The following BEND5 variants were observed in gnomAD, a reference collection of about 807,000 sequenced individuals.
BEND5 encodes BEN domain containing 5.
BEND5 carries 22 observed loss-of-function variants against 43.9 expected under a neutral mutation model. The observed-to-expected ratio is 0.50, with a 90% CI of 0.36 to 0.72. The LOEUF is 0.72. Among genes scored for constraint, BEND5 ranks in the 30% least tolerant of loss-of-function variants. The probability of loss-of-function intolerance (pLI) is 0.00; values close to 1 mark genes in which losing one functional copy is unlikely to be tolerated. For synonymous variants in BEND5, 228 were observed against 225.9 expected (o/e 1.01, Z -0.08); for missense variants, 428 against 550.6 (o/e 0.78, Z 2.23).
In BEND5 at chr1:48,736,505, G is replaced by A; in HGVS notation, c.895-53C>T. On this transcript the variant is annotated intron_variant, in intron 4 of 5. Transcript: ENST00000371833. This position sits in a 1 kb window ranked among gnomAD's most constrained non-coding sequence, Gnocchi z 4.0. ...GTTTAGTCCGACAGGAGGGCAGTGG[G>A]AGGCTTCTCTTGTCCTTTAAAAAGC... The A allele has an allele frequency of 6.7e-7, 1 of 1,497,558 alleles. No individual in the cohort carries two copies. The highest frequency in any genetic ancestry group is 9.3e-7 in the Non-Finnish European group (1 of 1,078,692). 92.8% of individuals were successfully genotyped at this position (1,497,558 alleles called of 1,614,324 possible). A position where few individuals can be genotyped will look rare whatever the true frequency, so the allele number is the denominator to read the frequency against.
At chr1:48,743,484 A>G (rs542702880) in intron 3 of BEND5, among the ~76,000 whole-genome samples, 2 of 152,370 alleles carry the variant, frequency 1.3e-5, no homozygotes, top group African/African-American at 4.8e-5. Context: ...TGTGTTGATT[A>G]CTTAAGGGCA....
intron 3 of BEND5, among the ~76,000 whole-genome samples, chr1:48,753,313 G>C (rs1652051193): frequency 6.6e-6 from 1 of 152,202 alleles, no homozygotes; most frequent in Non-Finnish European, 1.5e-5. Context: ...AAACAAATGT[G>C]TATGAAGTTA....
rs144263587 is a variant in BEND5 at position 48,742,561 on chromosome 1, C to T, written c.894+62G>A. 817 of 1,388,902 alleles carry T rather than the reference C, an allele frequency of 5.9e-4. 1 individual carries two copies. The African/African-American group carries it at 0.011, about 18-fold the overall frequency. 86.0% of individuals were successfully genotyped at this position (1,388,902 alleles called of 1,614,324 possible). ...CGATTTGGAAAGCTCCCACCATACT[C>T]TCCACCTTTACTCTGACTAACAAAC... On this transcript the variant is annotated intron_variant, in intron 4 of 5. Transcript: ENST00000371833.
chr1:48,727,861 G>T lies in BEND5; in HGVS notation c.*25C>A. 1 of 1,590,150 alleles carries T rather than the reference G, an allele frequency of 6.3e-7. No homozygotes were observed. The highest frequency in any genetic ancestry group is 8.6e-7 in the Non-Finnish European group (1 of 1,161,948). On this transcript the variant is annotated 3_prime_UTR_variant, in exon 6 of 6. Transcript: ENST00000371833. ...ATCACATGCCACACAAGGAAAACAC[G>T]AAAGCTTTATGAAAAATCCAAAGTT... is the stretch of plus-strand genomic sequence containing the variant.
intron 1 of BEND5, among the ~76,000 whole-genome samples, chr1:48,764,134 G>A (rs747117607): frequency 1.3e-5 from 2 of 152,208 alleles, no homozygotes; most frequent in Admixed American, 6.5e-5. Flanking sequence ...TGCTGAATTT[G>A]AATAAGGGAG....
At chr1:48,748,390 G>A (rs527814271) in intron 3 of BEND5, among the ~76,000 whole-genome samples, 8 of 152,328 alleles carry the variant, frequency 5.3e-5, no homozygotes, top group Admixed American at 3.3e-4. Context: ...CTGAGTGCCA[G>A]CCCTGTGCTA....
intron 1 of BEND5, among the ~76,000 whole-genome samples, chr1:48,769,957 G>T (rs570180442): frequency 1.3e-5 from 2 of 152,174 alleles, no homozygotes; most frequent in Non-Finnish European, 2.9e-5. Flanking sequence ...TTAAGGAAAT[G>T]ATCTAGAAGT....
chr1:48,758,593 C>T (rs916300274), intron 3 of BEND5, among the ~76,000 whole-genome samples: 16 of 152,340 alleles, frequency 1.1e-4, no homozygotes, highest in Admixed American at 6.5e-4. Flanking sequence ...TCCCTACGAT[C>T]CCTGTTACTG....
intron 5 of BEND5, among the ~76,000 whole-genome samples, chr1:48,731,153 C>A (rs2148556319): frequency 6.6e-6 from 1 of 152,250 alleles, no homozygotes; most frequent in Non-Finnish European, 1.5e-5. Flanking sequence ...CTCAATCCAG[C>A]AGACAGCTTG....
rs567287360 is a variant in BEND5, at chr1:48,752,541, T to C, written c.745+6359A>G. 9.2e-5 allele frequency among the ~76,000 whole-genome samples: 14 copies of C among 152,322 alleles called. No homozygotes were observed. In the South Asian group the frequency reaches 2.5e-3, roughly 27 times the overall value. On this transcript the variant is annotated intron_variant, in intron 3 of 5. Coordinates refer to ENST00000371833, the MANE Select transcript of BEND5 (RefSeq NM_024603.4). ...CTTACAAGGGGAAACAGGAAATCTC[T>C]AGGTGTCATCCAGGGTTGACCAAAG...
chr1:48,761,394 T>C lies in BEND5; in HGVS notation c.303A>G (p.Glu101=). 1 of 1,551,804 alleles carries C rather than the reference T, an allele frequency of 6.4e-7. No individual in the cohort carries two copies. Residue 101 remains glutamate (E), a synonymous_variant, in exon 2 of 6, where the codon GAA becomes GAG. Coordinates refer to ENST00000371833, the MANE Select transcript of BEND5 (RefSeq NM_024603.4). ...KIPKLSLNHV[E]EDGEVKDYGE... is the part of the protein sequence containing the mutation. Reference sequence around the variant, plus strand: ...CATAATCTTTAACCTCTCCATCTTCTTCTACATGATTAAGAGAAAGCTTGG... The same window carrying C: ...CATAATCTTTAACCTCTCCATCTTCCTCTACATGATTAAGAGAAAGCTTGG...
intron 3 of BEND5, among the ~76,000 whole-genome samples, chr1:48,745,013 T>G (rs1270480422): frequency 6.6e-6 from 1 of 152,200 alleles, no homozygotes; most frequent in Non-Finnish European, 1.5e-5. Context: ...GTCTCTACAT[T>G]GTGACTACTT....
intron 1 of BEND5, among the ~76,000 whole-genome samples, chr1:48,768,948 C>T (rs777675150): frequency 6.6e-6 from 1 of 152,052 alleles, no homozygotes; most frequent in Non-Finnish European, 1.5e-5. Flanking sequence ...AGGATTGTAC[C>T]CAGCCAAGAC....
chr1:48,761,949 GA>G (rs1241121436), intron 1 of BEND5, among the ~76,000 whole-genome samples: 2 of 152,178 alleles, frequency 1.3e-5, no homozygotes, highest in Non-Finnish European at 2.9e-5. Context: ...GGGATGTAAG[GA>G]AGGGCAGGGG....
chr1:48,733,019 A>G (rs540000588), intron 5 of BEND5, among the ~76,000 whole-genome samples: 43 of 152,238 alleles, frequency 2.8e-4, no homozygotes, highest in African/African-American at 8.4e-4. Context: ...GTCACTGGGG[A>G]CCTTGGTGAA....
At position 48,758,800 on chromosome 1, in the gene BEND5, A is replaced by G. The variant is rs1395667390; in HGVS notation, c.745+100T>C. On this transcript the variant is annotated intron_variant, in intron 3 of 5. Transcript: ENST00000371833. Reference sequence around the variant, plus strand: ...CAAGAGTCTGTCCTTCCCTAGCCTCAGGGCACTTGGTCTCCCTCTCCCCTT... The same window carrying G: ...CAAGAGTCTGTCCTTCCCTAGCCTCGGGGCACTTGGTCTCCCTCTCCCCTT... 3.6e-5 allele frequency: 39 copies of G among 1,092,130 alleles called. No homozygotes were observed. In the East Asian group the frequency reaches 9.7e-4, roughly 27 times the overall value. The allele number at this position is 1,092,130 out of a possible 1,614,324, so 67.7% of individuals were successfully genotyped here.
At chr1:48,742,891 A>C (rs980639740) in intron 3 of BEND5, 120 bp from the exon 4 acceptor site, 1 of 969,048 alleles carries the variant, frequency 1.0e-6, no homozygotes, top group African/African-American at 1.7e-5. Context: ...ATTTTTGTCC[A>C]TTGAACTACA....
At position 48,776,832 on chromosome 1, in the gene BEND5, G is replaced by C. The variant is rs957444701; in HGVS notation, c.-1C>G. ...CCAGGAACCGCACAAAGGCGTACAT[G>C]GTGGGCGCCGGGGGCGGGCCCCGGT... On this transcript the variant is annotated 5_prime_UTR_variant, in exon 1 of 6. Transcript: ENST00000371833. 2 of 1,500,232 alleles carry C rather than the reference G, an allele frequency of 1.3e-6. No homozygotes were observed. 92.9% of individuals were successfully genotyped at this position (1,500,232 alleles called of 1,614,324 possible). A position where few individuals can be genotyped will look rare whatever the true frequency, so the allele number is the denominator to read the frequency against.
At chr1:48,746,556 C>T (rs1363275882) in intron 3 of BEND5, among the ~76,000 whole-genome samples, 16 of 152,234 alleles carry the variant, frequency 1.1e-4, no homozygotes, top group South Asian at 6.2e-4. Context: ...TCTCACTCAG[C>T]ACCATTTGCT....
Sources: gnomAD v4.1 joint callset for allele counts (sites outside exome capture counted in the v4.1 genomes callset) on GRCh38, gnomAD v4.1.1 for gene constraint, Gnocchi (gnomAD v3.1) non-coding constraint, MANE v1.5 for transcripts, NCBI Gene and HGNC (gene_info 2026-07-23, HGNC 2026-07-21) for gene names.